The following CSF2RA variants were observed in gnomAD, a reference collection of about 807,000 sequenced individuals.
The protein encoded by CSF2RA is granulocyte-macrophage colony-stimulating factor receptor subunit alpha.
In CSF2RA, 42 loss-of-function variants were observed where a neutral mutation model predicts 51.6. The ratio of observed to expected loss-of-function variants is 0.81; its 90% CI spans 0.64 to 1.05. CSF2RA has a LOEUF of 1.05. CSF2RA is among the 50% of genes least tolerant of loss of function. CSF2RA has a pLI of 0.00. For missense variants in CSF2RA, 530 were observed against 501.1 expected (o/e 1.06, Z -0.55); for synonymous variants, 222 against 193.0 (o/e 1.15, Z -1.24).
At chrX:1,291,561 C>T (rs1358587154) in intron 7 of CSF2RA, among the ~76,000 whole-genome samples, 4 of 152,068 alleles carry the variant, frequency 2.6e-5, no homozygotes, top group Admixed American at 6.6e-5. Context: ...CCGCATCCCA[C>T]CCGTGGACTC....
chrX:1,313,407 C>A (rs1569514480), downstream of CSF2RA, among the ~76,000 whole-genome samples: 1 of 151,798 alleles, frequency 6.6e-6, no homozygotes, highest in Non-Finnish European at 1.5e-5. Flanking sequence ...GCACTCCAAT[C>A]TGGGTGACAG....
intron 10 of CSF2RA, among the ~76,000 whole-genome samples, chrX:1,301,309 G>T (rs1473192686): frequency 1.5e-5 from 2 of 133,418 alleles, no homozygotes; most frequent in African/African-American, 5.6e-5. Flanking sequence ...TCCAGCCTGG[G>T]TGACAGAGTG....
the CSF2RA span, among the ~76,000 whole-genome samples, chrX:1,317,230 G>C: frequency 2.2e-5 from 3 of 138,552 alleles, no homozygotes; most frequent in African/African-American, 8.2e-5. Context: ...TGACAGGCGT[G>C]AGCCACCACG....
chrX:1,284,240 G>T, intron 3 of CSF2RA, among the ~76,000 whole-genome samples: 1 of 117,946 alleles, frequency 8.5e-6, no homozygotes, highest in South Asian at 2.7e-4. Flanking sequence ...ATCTCGCTCT[G>T]TCTCCCAGGC....
At chrX:1,282,460 A>T in intron 2 of CSF2RA, 1 of 612,840 alleles carries the variant, frequency 1.6e-6, no homozygotes, top group East Asian at 2.8e-5. Flanking sequence ...TAGATTGACC[A>T]TCTTGAGATG....
In CSF2RA at chrX:1,293,379, C is replaced by G. The variant is rs776743863; in HGVS notation, c.647-949C>G. The stretch of plus-strand genomic sequence containing the variant: ...GACTACAGGCACCCGCCACCACGCC[C>G]GGCTAATTTTTTTGGATTTTTAGTA... On this transcript the variant is annotated intron_variant, in intron 7 of 12. Coordinates refer to ENST00000381529, the MANE Select transcript of CSF2RA (RefSeq NM_172245.4). Among the ~76,000 whole-genome samples the G allele has an allele frequency of 7.3e-3, 1,104 of 152,110 alleles. 16 individuals are homozygous for G. The highest frequency in any genetic ancestry group is 0.025 in the African/African-American group (1,053 of 41,478).
At chrX:1,319,753 C>T in the CSF2RA span, among the ~76,000 whole-genome samples, 3 of 138,024 alleles carry the variant, frequency 2.2e-5, no homozygotes, top group Non-Finnish European at 4.7e-5. Context: ...CTCACTCTGT[C>T]GCCCAGGCTG....
chrX:1,321,424 G>A, the CSF2RA span, among the ~76,000 whole-genome samples: 3 of 149,284 alleles, frequency 2.0e-5, no homozygotes, highest in Non-Finnish European at 4.5e-5. Context: ...AGCCGAGATC[G>A]TGCCACTGCA....
At chrX:1,315,167 G>C (rs183838110), downstream of CSF2RA, among the ~76,000 whole-genome samples, 28 of 152,244 alleles carry the variant, frequency 1.8e-4, no homozygotes, top group African/African-American at 6.5e-4. Context: ...GGGTTGTGCA[G>C]GTGGAGAAAA....
rs758671748 is a variant in CSF2RA at position 1,305,523 on chromosome X, A to G, written c.1121A>G (p.Asp374Gly). 3.7e-6 allele frequency: 6 copies of G among 1,613,962 alleles called. No individual in the cohort carries two copies. Among genetic ancestry groups the G allele is most frequent in the Non-Finnish European group, 3.4e-6 (4 of 1,179,864 alleles). Residue 374 changes from aspartate to glycine, a missense_variant, in exon 12 of 13, where the codon GAC becomes GGC. Coordinates refer to ENST00000381529, the MANE Select transcript of CSF2RA (RefSeq NM_172245.4). ...CTGAATGATAACCATGAGGTGGAAG[A>G]CGAGGTAGGCAGGGGTGGGCGGAGC... ...DKLNDNHEVE[D>G]EIIWEEFTPE...
chrX:1,299,213 C>T (rs765319972), intron 9 of CSF2RA, among the ~76,000 whole-genome samples: 13 of 152,276 alleles, frequency 8.5e-5, no homozygotes, highest in African/African-American at 2.9e-4. Flanking sequence ...AGAATATATT[C>T]TAGTGACTGT....
rs1240704119 is a variant in CSF2RA, at chrX:1,288,630, T to C, written c.331T>C (p.Tyr111His). Reference protein sequence around the residue: ...SQRGFQQKLLYPNSGREGTAA... With the variant: ...SQRGFQQKLLHPNSGREGTAA... The stretch of plus-strand genomic sequence containing the variant: ...AAGAGGATTTCAACAGAAACTGCTT[T>C]ATCCAAATTCAGGTAAGCAAGACAG... The change falls in exon 5 of 13, where the codon TAT becomes CAT. Residue 111 changes from tyrosine (Y) to histidine (H), a missense_variant. Tyr to His is a moderately conservative substitution (Grantham distance 83). Coordinates refer to ENST00000381529, the MANE Select transcript of CSF2RA (RefSeq NM_172245.4). 6.2e-7 allele frequency: 1 copy of C among 1,613,846 alleles called. No individual in the cohort carries two copies. Among genetic ancestry groups the C allele is most frequent in the African/African-American group, 1.3e-5 (1 of 74,908 alleles).
chrX:1,319,930 C>A, the CSF2RA span, among the ~76,000 whole-genome samples: 1 of 149,572 alleles, frequency 6.7e-6, no homozygotes, highest in East Asian at 2.0e-4. Context: ...GAGTCTCGCT[C>A]TGTCCCCCAG....
intron 3 of CSF2RA, among the ~76,000 whole-genome samples, chrX:1,283,478 CT>C (rs1569496370): frequency 1.4e-4 from 12 of 83,728 alleles, no homozygotes; most frequent in East Asian, 9.7e-4. Context: ...CCCTCCCTCT[CT>C]CTCTCTCTTT....
At position 1,289,373 on chromosome X, in the gene CSF2RA, C is replaced by G. The variant is rs769739028; in HGVS notation, c.473+485C>G. Among the ~76,000 whole-genome samples the G allele has an allele frequency of 2.0e-5, 3 of 152,300 alleles. No homozygotes were observed. The East Asian group carries it at 5.8e-4, about 29-fold the overall frequency. ...CAACTCCTGACCTCAAGTGATCTGC[C>G]TGCCTCAACCTCCCCAAAGTGCTGG... On this transcript the variant is annotated intron_variant, in intron 6 of 12. Transcript: ENST00000381529.
chrX:1,276,826 T>C (rs753657886), intron 2 of CSF2RA, among the ~76,000 whole-genome samples: 3 of 151,974 alleles, frequency 2.0e-5, no homozygotes, highest in Non-Finnish European at 4.4e-5. Flanking sequence ...AGCAGACAGG[T>C]GTGGTGGCTC....
chrX:1,302,002 C>T (rs1430543043), intron 10 of CSF2RA, among the ~76,000 whole-genome samples: 2 of 150,164 alleles, frequency 1.3e-5, no homozygotes, highest in Non-Finnish European at 3.0e-5. Context: ...CCGCGATCTC[C>T]GCCTCCCAGG....
chrX:1,303,535 T>C (rs189861796), intron 10 of CSF2RA, among the ~76,000 whole-genome samples: 490 of 151,552 alleles, frequency 3.2e-3, no homozygotes, highest in African/African-American at 0.011. Context: ...CCACCGTGCC[T>C]GGCCCAATTT....
chrX:1,288,146 T>A (rs2090978639), intron 4 of CSF2RA, among the ~76,000 whole-genome samples: 1 of 151,992 alleles, frequency 6.6e-6, no homozygotes, highest in African/African-American at 2.4e-5. Context: ...GGGGGATGAT[T>A]TCACAAAGGG....
Sources: gnomAD v4.1 joint callset for allele counts (sites outside exome capture counted in the v4.1 genomes callset) on GRCh38, gnomAD v4.1.1 for gene constraint, MANE v1.5 for transcripts, NCBI Gene and HGNC (gene_info 2026-07-23, HGNC 2026-07-21) for gene names.